OTOGL: variants seen among roughly 807,000 people sequenced by gnomAD.
OTOGL encodes otogelin like, also known as otogelin-like protein.
Under a neutral mutation model 318.5 loss-of-function variants are expected in OTOGL, and 285 were observed. That is an observed-to-expected ratio of 0.89 (90% CI 0.81 to 0.99). The LOEUF (loss-of-function observed/expected upper bound fraction) is 0.99, where lower values mean the gene tolerates loss of function less well. Ranked by LOEUF, OTOGL falls within the 50% of genes least tolerant of loss-of-function variation. OTOGL has a pLI of 0.00. For missense variants in OTOGL, 2,899 were observed against 2,845.6 expected (o/e 1.02, Z -0.43); for synonymous variants, 987 against 936.5 (o/e 1.05, Z -0.99).
At chr12:80,123,503 T>C (rs999804263) in intron 1 of OTOGL, among the ~76,000 whole-genome samples, 1 of 151,076 alleles carries the variant, frequency 6.6e-6, no homozygotes, top group Non-Finnish European at 1.5e-5. Flanking sequence ...TACGTGTGCA[T>C]GTGCCTTTAT....
At chr12:80,322,976 A>G (rs957591827) in intron 34 of OTOGL, among the ~76,000 whole-genome samples, 1 of 152,120 alleles carries the variant, frequency 6.6e-6, no homozygotes, top group Non-Finnish European at 1.5e-5. Context: ...ATTAGAAATA[A>G]TATCTACTTA....
chr12:80,294,836 C>T (rs978634257), intron 26 of OTOGL, among the ~76,000 whole-genome samples: 8 of 152,134 alleles, frequency 5.3e-5, no homozygotes, highest in African/African-American at 1.9e-4. Context: ...CCTCTAATCC[C>T]AGCACTTTGG....
chr12:80,113,597 T>C (rs534319348), intron 1 of OTOGL, among the ~76,000 whole-genome samples: 7 of 152,160 alleles, frequency 4.6e-5, no homozygotes, highest in African/African-American at 1.7e-4. Flanking sequence ...TCTAATTTGA[T>C]TGCACTGTGG....
chr12:80,219,203 C>G (rs1418619390), intron 5 of OTOGL, among the ~76,000 whole-genome samples: 3 of 152,048 alleles, frequency 2.0e-5, no homozygotes, highest in Admixed American at 2.0e-4. Flanking sequence ...CCACCACTGC[C>G]CGGGTTCAAG....
intron 46 of OTOGL, 60 bp from the exon 47 acceptor site, chr12:80,355,676 T>C: frequency 7.2e-7 from 1 of 1,391,418 alleles, no homozygotes; most frequent in Admixed American, 2.1e-5. Flanking sequence ...CAAAACATGG[T>C]GGCATGATTT....
At chr12:80,218,795 C>CTTTTTTTTTTTTTTTTTTTTT (rs34204072) in intron 5 of OTOGL, among the ~76,000 whole-genome samples, 20 of 118,234 alleles carry the variant, frequency 1.7e-4, no homozygotes, top group Non-Finnish European at 2.6e-4. Context: ...CTTTTTCTTT[C>CTTTTTTTTTTTTTTTTTTTTT]TTTTTTTTTT....
chr12:80,336,629 C>A, intron 40 of OTOGL, 74 bp downstream of exon 40: 2 of 1,501,588 alleles, frequency 1.3e-6, no homozygotes, highest in Non-Finnish European at 1.8e-6. Context: ...ATCAGGGATT[C>A]TCACAGGAGG....
chr12:80,370,724 T>G (rs946705325), intron 56 of OTOGL, 35 bp downstream of exon 56: 6 of 1,412,094 alleles, frequency 4.2e-6, no homozygotes. Context: ...AAATTTATTA[T>G]TATATAATTT....
At chr12:80,356,278 G>C in intron 47 of OTOGL, 138 bp from the exon 48 acceptor site, 1 of 661,462 alleles carries the variant, frequency 1.5e-6, no homozygotes, top group South Asian at 2.0e-5. Flanking sequence ...TGGGTTAACT[G>C]CAGTGTAAAA....
chr12:80,304,955 A>G (rs1283946298), intron 28 of OTOGL, among the ~76,000 whole-genome samples: 1 of 152,176 alleles, frequency 6.6e-6, no homozygotes, highest in Non-Finnish European at 1.5e-5. Flanking sequence ...TGCCATAGCC[A>G]CTTATTACCA....
rs530698799 is a variant in OTOGL, at chr12:80,356,492, T to A, written c.5883T>A (p.Pro1961=). 41 of 1,610,718 alleles carry A rather than the reference T, an allele frequency of 2.5e-5. No homozygotes were observed. The East Asian group carries it at 8.9e-4, about 35-fold the overall frequency. ...AAAAATTGATTGTTGGCCACAGTCC[T>A]CTTTCTTGCTGTCCACAGTACAAAT... ...NSQKLIVGHS[P]LSCCPQYKCE... The change falls in exon 48 of 59, where the codon CCT becomes CCA. Residue 1961 remains proline (P), a synonymous_variant. Transcript: ENST00000547103.
At chr12:80,182,651 A>G (rs1003098269) in intron 1 of OTOGL, among the ~76,000 whole-genome samples, 5 of 152,202 alleles carry the variant, frequency 3.3e-5, no homozygotes, top group African/African-American at 1.2e-4. Context: ...AAGGAAGATT[A>G]TGAATTTTTC....
At chr12:80,368,337 T>C (rs758090423) in intron 55 of OTOGL, 28 bp downstream of exon 55, 7 of 1,509,812 alleles carry the variant, frequency 4.6e-6, no homozygotes, top group Middle Eastern at 1.7e-4. Flanking sequence ...TAATGCTCTG[T>C]GCTATTTTCT....
intron 11 of OTOGL, among the ~76,000 whole-genome samples, chr12:80,245,102 G>A (rs1375624621): frequency 9.1e-6 from 1 of 109,390 alleles, no homozygotes; most frequent in Admixed American, 9.5e-5. Flanking sequence ...TTTCTCCCAT[G>A]TTGTAGGTTG....
At chr12:80,213,803 G>A (rs1432033454) in intron 4 of OTOGL, among the ~76,000 whole-genome samples, 1 of 152,124 alleles carries the variant, frequency 6.6e-6, no homozygotes, top group Non-Finnish European at 1.5e-5. Flanking sequence ...AGAAGAGCGG[G>A]CAATGAGGTC....
intron 29 of OTOGL, among the ~76,000 whole-genome samples, chr12:80,306,775 T>C (rs1023412205): frequency 1.5e-4 from 18 of 122,832 alleles, no homozygotes; most frequent in African/African-American, 3.0e-4. Context: ...ACTATTTCTT[T>C]TTTTTTTTTA....
rs748814864 is a variant in OTOGL at position 80,270,102 on chromosome 12, C to T, written c.2466C>T (p.Cys822=). 5 of 1,596,114 alleles carry T rather than the reference C, an allele frequency of 3.1e-6. No individual in the cohort carries two copies. In the Admixed American group the frequency reaches 8.4e-5, roughly 27 times the overall value. The part of the protein sequence containing the change: ...GELIPTPSGL[C]QCSNGTVKCD... ...AAATTAACTATTTATTTACTTCTAG[C>T]CAGTGTTCAAATGGGACTGTGAAAT... is the stretch of plus-strand genomic sequence containing the variant. The change falls in exon 23 of 59, where the codon TGC becomes TGT. Residue 822 remains cysteine (C), a splice_region_variant and synonymous_variant. Coordinates refer to ENST00000547103, the MANE Select transcript of OTOGL (RefSeq NM_001378609.3).
Position 80,360,609 on chromosome 12 carries a change from G to A in OTOGL, c.6267+1709G>A, listed in dbSNP as rs189464368. Among the ~76,000 whole-genome samples, 1,044 of 152,048 alleles carry A rather than the reference G, an allele frequency of 6.9e-3. 6 individuals carry two copies. The highest frequency in any genetic ancestry group is 0.027 in the Middle Eastern group (8 of 294). On this transcript the variant is annotated intron_variant, in intron 52 of 58. Coordinates refer to ENST00000547103, the MANE Select transcript of OTOGL (RefSeq NM_001378609.3). ...TGATTCCCCTGCCTCAGCCTCCTGA[G>A]TAGCTGGGACTGCAGGCGTGTGCCA...
chr12:80,150,792 C>A (rs1872737893), intron 1 of OTOGL, among the ~76,000 whole-genome samples: 1 of 152,244 alleles, frequency 6.6e-6, no homozygotes. Flanking sequence ...CTCTGAAGCT[C>A]ATTTCTGTAC....
Sources: gnomAD v4.1 joint callset for allele counts (sites outside exome capture counted in the v4.1 genomes callset) on GRCh38, gnomAD v4.1.1 for gene constraint, MANE v1.5 for transcripts, NCBI Gene and HGNC (gene_info 2026-07-23, HGNC 2026-07-21) for gene names.